The following MYO9A variants were observed in gnomAD, a reference collection of about 807,000 sequenced individuals.
MYO9A encodes the protein myosin IXA, also known as unconventional myosin-IXa.
A neutral mutation model predicts 293.3 loss-of-function variants in MYO9A; 103 were observed. That is an observed-to-expected ratio of 0.35 (90% CI 0.30 to 0.41). The LOEUF is 0.41. Ranked by LOEUF, MYO9A falls within the 10% of genes least tolerant of loss-of-function variation. The probability of loss-of-function intolerance (pLI) is 1.00; values close to 1 mark genes in which losing one functional copy is unlikely to be tolerated. For missense variants in MYO9A, 2,685 were observed against 3,033.0 expected, an observed-to-expected ratio of 0.89 and a Z score of 2.69; for synonymous variants, 1,001 against 1,035.7, an observed-to-expected ratio of 0.97 and a Z score of 0.64.
chr15:71,999,527 G>T (rs943262449), intron 9 of MYO9A, among the ~76,000 whole-genome samples: 4 of 152,062 alleles, frequency 2.6e-5, no homozygotes, highest in African/African-American at 9.7e-5. Context: ...ACTGTCTCAA[G>T]AAGAATAATT....
At chr15:72,088,515 C>G (rs1468063992) in intron 1 of MYO9A, among the ~76,000 whole-genome samples, 1 of 152,146 alleles carries the variant, frequency 6.6e-6, no homozygotes, top group African/African-American at 2.4e-5. Flanking sequence ...CTTTCCAACA[C>G]ATTATCAAAT....
intron 14 of MYO9A, among the ~76,000 whole-genome samples, chr15:71,958,315 G>A (rs897131932): frequency 5.9e-5 from 9 of 152,052 alleles, no homozygotes; most frequent in African/African-American, 2.2e-4. Flanking sequence ...TTTTTACAGT[G>A]ATACAATGTT....
intron 1 of MYO9A, among the ~76,000 whole-genome samples, chr15:72,110,346 G>A (rs1334952924): frequency 7.0e-6 from 1 of 142,204 alleles, no homozygotes; most frequent in Admixed American, 7.6e-5. Flanking sequence ...TGAGGCAGGA[G>A]AATCACTTGA....
chr15:71,942,936 G>A (rs1299969122), intron 15 of MYO9A, among the ~76,000 whole-genome samples: 2 of 151,894 alleles, frequency 1.3e-5, no homozygotes, highest in African/African-American at 4.8e-5. Flanking sequence ...ATCTATATAG[G>A]TGAGCATCTG....
chr15:72,032,439 AG>A (rs1256496151), intron 3 of MYO9A, 54 bp downstream of exon 3: 13 of 1,158,142 alleles, frequency 1.1e-5, no homozygotes, highest in African/African-American at 1.6e-5. Flanking sequence ...AAAAGGGTAA[AG>A]ACAAAAATTA....
chr15:72,089,008 CAG>C (rs886221077), intron 1 of MYO9A, among the ~76,000 whole-genome samples: 6 of 152,180 alleles, frequency 3.9e-5, no homozygotes, highest in African/African-American at 1.4e-4. Flanking sequence ...GATCAGAAAA[CAG>C]AGTATCCCTT....
chr15:71,918,728 T>C (rs1240210451), intron 18 of MYO9A, among the ~76,000 whole-genome samples: 2 of 152,218 alleles, frequency 1.3e-5, no homozygotes, highest in Admixed American at 6.5e-5. Flanking sequence ...CTTCCACTTT[T>C]AAGATACTAT....
At chr15:71,990,812 A>T (rs2076525381) in intron 11 of MYO9A, among the ~76,000 whole-genome samples, 1 of 151,762 alleles carries the variant, frequency 6.6e-6, no homozygotes, top group Admixed American at 6.6e-5. Flanking sequence ...CCACTCTTTT[A>T]GTAAAATATC....
At position 71,875,818 on chromosome 15, in the gene MYO9A, C is replaced by T. The variant is rs1007477417; in HGVS notation, c.5952G>A (p.Lys1984=). The T allele has an allele frequency of 5.1e-6, 7 of 1,367,776 alleles. No individual in the cohort carries two copies. The highest frequency in any genetic ancestry group is 1.9e-4 in the Middle Eastern group (1 of 5,302). 84.7% of individuals were successfully genotyped at this position (1,367,776 alleles called of 1,614,324 possible). A position where few individuals can be genotyped will look rare whatever the true frequency, so the allele number is the denominator to read the frequency against. ...TATKVPKTER[K]KRRKKETDLV... ...AATCAGTTTCCTTTTTCCTTCTTTT[C>T]TTTCTTTCTGTTTTTGGCACCTGAC... The change falls in exon 32 of 42, where the codon AAG becomes AAA. Residue 1984 remains lysine (K), a synonymous_variant. Transcript: ENST00000356056.
At chr15:71,906,501 T>C (rs1302025253) in intron 19 of MYO9A, among the ~76,000 whole-genome samples, 2 of 152,162 alleles carry the variant, frequency 1.3e-5, no homozygotes, top group Non-Finnish European at 2.9e-5. Context: ...ATTAGATGAA[T>C]ATACATGTAA....
Position 71,863,625 on chromosome 15 carries a change from T to C in MYO9A, c.5980-1014A>G, listed in dbSNP as rs2056225107. Among the ~76,000 whole-genome samples, 3 of 152,180 alleles carry C rather than the reference T, an allele frequency of 2.0e-5. No homozygotes were observed. In the South Asian group the frequency reaches 6.2e-4, roughly 32 times the overall value. On this transcript the variant is annotated intron_variant, in intron 32 of 41. Coordinates refer to ENST00000356056, the MANE Select transcript of MYO9A (RefSeq NM_006901.4). ...TAAAGAAAATCTAGCTTAATACAGATATGAAAGTGGAAAATGAAGGAATAT... is the reference window on the plus strand; with the variant it reads ...TAAAGAAAATCTAGCTTAATACAGACATGAAAGTGGAAAATGAAGGAATAT...
At chr15:72,021,765 T>C (rs932192028) in intron 4 of MYO9A, among the ~76,000 whole-genome samples, 1 of 152,138 alleles carries the variant, frequency 6.6e-6, no homozygotes, top group Non-Finnish European at 1.5e-5. Flanking sequence ...AAACCTCCAG[T>C]AAATGTCCTG....
intron 1 of MYO9A, among the ~76,000 whole-genome samples, chr15:72,070,415 T>G (rs989126282): frequency 1.3e-5 from 2 of 150,716 alleles, no homozygotes; most frequent in African/African-American, 4.9e-5. Flanking sequence ...ATTGTGCCAC[T>G]GTACTCTGGC....
chr15:71,923,042 T>C (rs763656466), intron 18 of MYO9A, among the ~76,000 whole-genome samples: 2 of 152,190 alleles, frequency 1.3e-5, no homozygotes, highest in African/African-American at 2.4e-5. Flanking sequence ...CTTTATTATG[T>C]TGAGGTACAT....
chr15:71,879,189 A>G (rs2056796012), intron 30 of MYO9A, among the ~76,000 whole-genome samples: 1 of 152,242 alleles, frequency 6.6e-6, no homozygotes, highest in South Asian at 2.1e-4. Flanking sequence ...TAATGCTTCT[A>G]TAGACCAAAG....
intron 32 of MYO9A, among the ~76,000 whole-genome samples, chr15:71,869,941 C>T (rs993492355): frequency 3.3e-5 from 5 of 152,144 alleles, no homozygotes; most frequent in African/African-American, 1.2e-4. Context: ...TTCTTTGTTT[C>T]TTCCTTAAAT....
rs774653775 is a variant in MYO9A, at chr15:71,854,395, G to A, written c.6328C>T (p.Arg2110Trp). ...ATCTTACCTGTATCTAGACCCTGCC[G>A]AAGCTCCTTGATTTTATTAGTCGAA... The part of the protein sequence containing the change: ...SGSTNKIKEL[R>W]QGLDTDAESV... The change falls in exon 35 of 42, where the codon CGG becomes TGG. Residue 2110 changes from arginine (R) to tryptophan (W), a missense_variant. Coordinates refer to ENST00000356056, the MANE Select transcript of MYO9A (RefSeq NM_006901.4). 6.3e-6 allele frequency: 10 copies of A among 1,593,800 alleles called. No homozygotes were observed. The highest frequency in any genetic ancestry group is 1.7e-4 in the Middle Eastern group (1 of 6,006).
At chr15:71,848,645 A>AAT (rs2055495483) in intron 39 of MYO9A, among the ~76,000 whole-genome samples, 200 bp downstream of exon 39, 1 of 152,256 alleles carries the variant, frequency 6.6e-6, no homozygotes. Flanking sequence ...CTGCACACTT[A>AAT]ATCACATAGA....
chr15:71,907,788 G>A (rs1382727311), intron 19 of MYO9A, among the ~76,000 whole-genome samples: 8 of 152,102 alleles, frequency 5.3e-5, no homozygotes, highest in African/African-American at 1.9e-4. Flanking sequence ...TTTTGATGGG[G>A]TTGTTTGTTT....
Sources: allele counts gnomAD v4.1 joint callset (sites outside exome capture counted in the v4.1 genomes callset), GRCh38; gene constraint gnomAD v4.1.1; transcripts MANE v1.5; gene names NCBI Gene and HGNC (gene_info 2026-07-23, HGNC 2026-07-21).